CMYA5: variants seen among roughly 807,000 people sequenced by gnomAD.
CMYA5 encodes the protein cardiomyopathy-associated protein 5.
A neutral mutation model predicts 318.9 loss-of-function variants in CMYA5; 246 were observed. That is an observed-to-expected ratio of 0.77 (90% CI 0.70 to 0.86). The LOEUF (loss-of-function observed/expected upper bound fraction) is 0.86. Among genes scored for constraint, CMYA5 ranks in the 40% least tolerant of loss-of-function variants. The pLI is 0.00. For missense variants in CMYA5, 4,589 were observed against 4,678.2 expected (o/e 0.98, Z 0.56); for synonymous variants, 1,641 against 1,729.5 (o/e 0.95, Z 1.27).
intron 1 of CMYA5, among the ~76,000 whole-genome samples, chr5:79,691,332 T>G (rs1826967175): frequency 6.6e-6 from 1 of 152,214 alleles, no homozygotes; most frequent in South Asian, 2.1e-4. Context: ...AACCTTTCCC[T>G]TACTGTTGTC....
At chr5:79,747,009 C>T in intron 4 of CMYA5, 82 bp from the exon 5 acceptor site, 1 of 845,120 alleles carries the variant, frequency 1.2e-6, no homozygotes, top group African/African-American at 1.7e-5. Flanking sequence ...TTTTTTCTTT[C>T]TGTTGTTAAT....
rs1472707971 is a variant in CMYA5, at chr5:79,753,371, G to T, written c.11110+577G>T. Among the ~76,000 whole-genome samples the T allele has an allele frequency of 3.3e-5, 5 of 152,180 alleles. No homozygotes were observed. In the East Asian group the frequency reaches 9.6e-4, roughly 29 times the overall value. On this transcript the variant is annotated intron_variant, in intron 6 of 12. Coordinates refer to ENST00000446378, the MANE Select transcript of CMYA5 (RefSeq NM_153610.5). Reference sequence around the variant, plus strand: ...GTGCTATTTTAACAAACAGGACAATGAAACTTATTTAGATTTTTCAAAGCT... The same window carrying T: ...GTGCTATTTTAACAAACAGGACAATTAAACTTATTTAGATTTTTCAAAGCT...
At position 79,736,871 on chromosome 5, in the gene CMYA5, A is replaced by C. The variant is rs752057094; in HGVS notation, c.8106A>C (p.Ala2702=). Residue 2702 remains alanine, a synonymous_variant, in exon 2 of 13, where the codon GCA becomes GCC. Coordinates refer to ENST00000446378, the MANE Select transcript of CMYA5 (RefSeq NM_153610.5). The stretch of plus-strand genomic sequence containing the variant: ...TGAAACAAGGATTTCAAGAAAAGGC[A>C]GTAGGAACCCAACCACGTCCTTTAG... ...ETVKQGFQEK[A]VGTQPRPLEE... The C allele has an allele frequency of 3.5e-5, 57 of 1,613,262 alleles. No individual in the cohort carries two copies. Among genetic ancestry groups the C allele is most frequent in the Non-Finnish European group, 4.7e-5 (55 of 1,179,762 alleles).
chr5:79,708,192 T>C (rs996187747), intron 1 of CMYA5, among the ~76,000 whole-genome samples: 8 of 152,228 alleles, frequency 5.3e-5, no homozygotes, highest in Non-Finnish European at 1.0e-4. Flanking sequence ...AAGTCAAAAA[T>C]GCTATTTCTA....
intron 10 of CMYA5, 49 bp downstream of exon 10, chr5:79,789,153 C>A: frequency 1.2e-6 from 2 of 1,605,248 alleles, no homozygotes; most frequent in Non-Finnish European, 1.7e-6. Context: ...TATTTCTTCC[C>A]TTCCACCCCT....
rs1485481179 is a variant in CMYA5 at position 79,734,728 on chromosome 5, C to T, written c.5963C>T (p.Ala1988Val). 1.2e-6 allele frequency: 2 copies of T among 1,613,800 alleles called. No homozygotes were observed. The highest frequency in any genetic ancestry group is 4.5e-5 in the East Asian group (2 of 44,886). Residue 1988 changes from alanine to valine, a missense_variant, in exon 2 of 13, where the codon GCT becomes GTT. Ala to Val is a moderately conservative substitution (Grantham distance 64). Around this residue, in one of 3 missense-constraint regions of CMYA5, gnomAD observed 2,431 missense variants for 2,495.1 expected, o/e 0.97. Coordinates refer to ENST00000446378, the MANE Select transcript of CMYA5 (RefSeq NM_153610.5). ...TACTCTTCTGAAGAAGTAAAGCTGG[C>T]TGAAGAACCAAAGTCTTTAGTCCTA... ...KSYSSEEVKL[A>V]EEPKSLVLAG...
chr5:79,773,860 CAGGCTTCAAA>C (rs1828895321), intron 9 of CMYA5, among the ~76,000 whole-genome samples: 3 of 152,168 alleles, frequency 2.0e-5, no homozygotes, highest in African/African-American at 7.2e-5. Context: ...ATAAAACAAG[CAGGCTTCAAA>C]GCTCTGGTAT....
intron 8 of CMYA5, 175 bp downstream of exon 8, chr5:79,762,132 C>T (rs1200397116): frequency 5.0e-6 from 3 of 601,854 alleles, no homozygotes; most frequent in South Asian, 4.3e-5. Context: ...AGCTCATGCT[C>T]AGGTGGGGAG....
chr5:79,699,164 C>T lies in CMYA5; in HGVS notation c.149+9108C>T, dbSNP rs1007007277. Among the ~76,000 whole-genome samples the T allele has an allele frequency of 1.8e-4, 27 of 151,858 alleles. 1 individual carries two copies. Among genetic ancestry groups the T allele is most frequent in the Admixed American group, 9.9e-4 (15 of 15,228 alleles). On this transcript the variant is annotated intron_variant, in intron 1 of 12. Coordinates refer to ENST00000446378, the MANE Select transcript of CMYA5 (RefSeq NM_153610.5). ...GAGAGTGAGACTCTGTCTCAAACAA[C>T]AACAACAACAACAAAAAAAGAAAAG...
intron 5 of CMYA5, among the ~76,000 whole-genome samples, chr5:79,750,942 G>T (rs1229344876): frequency 6.6e-6 from 1 of 152,122 alleles, no homozygotes; most frequent in Non-Finnish European, 1.5e-5. Context: ...CATCAGTGAT[G>T]TGTATTTTTA....
rs1828056448 is a variant in CMYA5 at position 79,736,027 on chromosome 5, T to C, written c.7262T>C (p.Leu2421Ser). The change falls in exon 2 of 13, where the codon TTA becomes TCA. Residue 2421 changes from leucine to serine, a missense_variant. Physicochemically the swap from Leu to Ser is moderately radical, Grantham distance 145 (BLOSUM62 -2). Coordinates refer to ENST00000446378, the MANE Select transcript of CMYA5 (RefSeq NM_153610.5). ...ILPVEESKGS[L>S]IDFSEDRLKK... is the part of the protein sequence containing the mutation. ...CCAGTAGAAGAATCAAAAGGCAGTT[T>C]AATTGATTTCAGTGAAGACAGACTC... 1.9e-6 allele frequency: 3 copies of C among 1,612,906 alleles called. No individual in the cohort carries two copies. Among genetic ancestry groups the C allele is most frequent in the Non-Finnish European group, 2.5e-6 (3 of 1,179,630 alleles).
intron 1 of CMYA5, among the ~76,000 whole-genome samples, chr5:79,714,733 C>T (rs746748735): frequency 2.6e-5 from 4 of 152,124 alleles, no homozygotes; most frequent in South Asian, 2.1e-4. Flanking sequence ...AGTGACCATG[C>T]GCAGCCTCAC....
At chr5:79,797,008 T>C (rs2151102076) in intron 12 of CMYA5, among the ~76,000 whole-genome samples, 1 of 152,368 alleles carries the variant, frequency 6.6e-6, no homozygotes, top group South Asian at 2.1e-4. Flanking sequence ...TCATATAAGC[T>C]GCACAAAACA....
chr5:79,701,795 C>T (rs1462070565), intron 1 of CMYA5, among the ~76,000 whole-genome samples: 1 of 152,120 alleles, frequency 6.6e-6, no homozygotes, highest in Non-Finnish European at 1.5e-5. Flanking sequence ...TTCATAATAG[C>T]CAATAAATGG....
chr5:79,741,208 G>A (rs771785197), intron 2 of CMYA5, among the ~76,000 whole-genome samples: 1 of 152,034 alleles, frequency 6.6e-6, no homozygotes, highest in Non-Finnish European at 1.5e-5. Flanking sequence ...ATATCTTTTA[G>A]TCTTTCTAAC....
intron 9 of CMYA5, among the ~76,000 whole-genome samples, chr5:79,787,184 T>C (rs1039026626): frequency 6.6e-6 from 1 of 152,158 alleles, no homozygotes; most frequent in African/African-American, 2.4e-5. Flanking sequence ...AAAGCTAAAA[T>C]TTCCCCACCA....
At chr5:79,743,743 A>T (rs1455378241) in intron 2 of CMYA5, 84 bp from the exon 3 acceptor site, 1 of 684,190 alleles carries the variant, frequency 1.5e-6, no homozygotes, top group African/African-American at 1.8e-5. Flanking sequence ...AAACATACTA[A>T]ATTTATAAGG....
At chr5:79,721,109 T>C (rs1030106701) in intron 1 of CMYA5, among the ~76,000 whole-genome samples, 1 of 152,164 alleles carries the variant, frequency 6.6e-6, no homozygotes, top group African/African-American at 2.4e-5. Flanking sequence ...CAAAGATGTA[T>C]GTTGTAATTT....
At chr5:79,784,712 C>T (rs573822313) in intron 9 of CMYA5, among the ~76,000 whole-genome samples, 1 of 139,780 alleles carries the variant, frequency 7.2e-6, no homozygotes, top group Non-Finnish European at 1.5e-5. Flanking sequence ...TTCTTTGACT[C>T]GGAAAGGGAA....
Sources: gnomAD v4.1 joint callset for allele counts (sites outside exome capture counted in the v4.1 genomes callset) on GRCh38, gnomAD v4.1.1 for gene constraint, gnomAD v4.1.1 regional missense constraint, MANE v1.5 for transcripts, NCBI Gene and HGNC (gene_info 2026-07-23, HGNC 2026-07-21) for gene names.